Variants in RNF216 observed in about 807,000 individuals in gnomAD.
RNF216 encodes the protein ring finger protein 216.
In RNF216, 72 loss-of-function variants were observed where a neutral mutation model predicts 110.8. That is an observed-to-expected ratio of 0.65 (90% CI 0.54 to 0.79). RNF216 has a LOEUF of 0.79. Among genes scored for constraint, RNF216 ranks in the 30% least tolerant of loss-of-function variants. RNF216 has a pLI of 0.00. For synonymous variants in RNF216, 495 were observed against 407.5 expected, an observed-to-expected ratio of 1.21 and a Z score of -2.59; for missense variants, 1,342 against 1,141.2, an observed-to-expected ratio of 1.18 and a Z score of -2.54.
chr7:5,668,138 G>A (rs1789648305), intron 13 of RNF216, among the ~76,000 whole-genome samples: 1 of 152,098 alleles, frequency 6.6e-6, no homozygotes, highest in Admixed American at 6.5e-5. Flanking sequence ...TGTTTATATA[G>A]CAGGCATAGA....
chr7:5,753,138 G>A (rs1795423204), intron 2 of RNF216, among the ~76,000 whole-genome samples, 159 bp from the exon 3 acceptor site: 1 of 152,210 alleles, frequency 6.6e-6, no homozygotes, highest in South Asian at 2.1e-4. Flanking sequence ...TAAGAGCCAT[G>A]TTTCTATGCT....
At chr7:5,708,983 G>T (rs538966561) in intron 13 of RNF216, among the ~76,000 whole-genome samples, 1 of 152,268 alleles carries the variant, frequency 6.6e-6, no homozygotes, top group South Asian at 2.1e-4. Flanking sequence ...GTTCTCAGCA[G>T]CCCCCAGGGA....
intron 13 of RNF216, among the ~76,000 whole-genome samples, chr7:5,673,209 G>C (rs1186782656): frequency 2.0e-5 from 3 of 152,310 alleles, no homozygotes; most frequent in Middle Eastern, 3.4e-3. Flanking sequence ...GAAGTCAGTG[G>C]TTATTGAGAT....
At chr7:5,757,297 G>A (rs1795693253) in intron 2 of RNF216, among the ~76,000 whole-genome samples, 1 of 151,948 alleles carries the variant, frequency 6.6e-6, no homozygotes, top group South Asian at 2.1e-4. Flanking sequence ...AAGTATACAG[G>A]GATTAGCTTA....
At chr7:5,748,611 T>TACACACACAC (rs10588945) in intron 3 of RNF216, among the ~76,000 whole-genome samples, 5 of 143,052 alleles carry the variant, frequency 3.5e-5, no homozygotes, top group East Asian at 2.1e-4. Context: ...TTTATATACA[T>TACACACACAC]ACACACACAC....
chr7:5,674,421 T>C, intron 13 of RNF216, among the ~76,000 whole-genome samples: 1 of 150,952 alleles, frequency 6.6e-6, no homozygotes, highest in Non-Finnish European at 1.5e-5. Flanking sequence ...CCTCCCAAAG[T>C]GCTAGGATTA....
At chr7:5,636,973 GA>G (rs1426080179) in intron 15 of RNF216, among the ~76,000 whole-genome samples, 1 of 152,048 alleles carries the variant, frequency 6.6e-6, no homozygotes, top group Non-Finnish European at 1.5e-5. Context: ...GGAGAAGAAA[GA>G]AAAAAGTGCT....
At chr7:5,692,007 A>C (rs1584460877) in intron 13 of RNF216, among the ~76,000 whole-genome samples, 1 of 152,332 alleles carries the variant, frequency 6.6e-6, no homozygotes, top group African/African-American at 2.4e-5. Context: ...CTGCATACCT[A>C]CAAATCTCCA....
At chr7:5,764,965 G>C (rs571888188) in intron 1 of RNF216, among the ~76,000 whole-genome samples, 1 of 151,732 alleles carries the variant, frequency 6.6e-6, no homozygotes, top group Non-Finnish European at 1.5e-5. Context: ...AGCTACTCCT[G>C]AGGCTGAGGC....
chr7:5,745,646 T>C (rs755456229), intron 3 of RNF216, among the ~76,000 whole-genome samples: 1 of 152,004 alleles, frequency 6.6e-6, no homozygotes, highest in South Asian at 2.1e-4. Context: ...ACGCCTGTAA[T>C]CTCAGCACTT....
chr7:5,779,359 A>G (rs1270917493), intron 1 of RNF216, among the ~76,000 whole-genome samples: 1 of 151,982 alleles, frequency 6.6e-6, no homozygotes, highest in African/African-American at 2.4e-5. Context: ...GGGGGTCCAA[A>G]ATCTGGCCCA....
intron 1 of RNF216, among the ~76,000 whole-genome samples, chr7:5,764,483 A>C (rs950800785): frequency 2.0e-5 from 3 of 151,920 alleles, no homozygotes; most frequent in African/African-American, 4.8e-5. Flanking sequence ...CGCCGTCTCT[A>C]CTAAAAATAC....
Position 5,739,704 on chromosome 7 carries a change from T to C in RNF216, c.1045-352A>G, listed in dbSNP as rs1473420747. On this transcript the variant is annotated intron_variant, in intron 4 of 16. Coordinates refer to ENST00000389902, the MANE Select transcript of RNF216 (RefSeq NM_207111.4). ...AGCAGCACACAACCTAGTGCCTAGA[T>C]AAAAACACCTGGGTGGCCGGGTGCA... The C allele has an allele frequency of 3.1e-5, 14 of 453,186 alleles. No individual in the cohort carries two copies. The East Asian group carries it at 6.1e-4, about 20-fold the overall frequency. 28.1% of individuals were successfully genotyped at this position (453,186 alleles called of 1,614,324 possible).
intron 15 of RNF216, among the ~76,000 whole-genome samples, chr7:5,640,059 A>C (rs1787642082): frequency 1.4e-5 from 2 of 147,398 alleles, no homozygotes; most frequent in Admixed American, 6.8e-5. Context: ...GCGCCCGGCC[A>C]ATTTTTTTTT....
At chr7:5,628,457 GTT>G (rs555295636) in intron 15 of RNF216, among the ~76,000 whole-genome samples, 1 of 151,954 alleles carries the variant, frequency 6.6e-6, no homozygotes, top group African/African-American at 2.4e-5. Context: ...CAACTTAAAA[GTT>G]TTTTTTCTTT....
chr7:5,750,716 G>A (rs1297892722), intron 3 of RNF216, among the ~76,000 whole-genome samples: 1 of 152,192 alleles, frequency 6.6e-6, no homozygotes, highest in African/African-American at 2.4e-5. Flanking sequence ...CCACATTGGA[G>A]CAAGACTCCC....
chr7:5,648,908 G>A (rs1788214511), intron 14 of RNF216, among the ~76,000 whole-genome samples: 2 of 152,126 alleles, frequency 1.3e-5, no homozygotes. Context: ...AAGCTAATTT[G>A]AGATAATTAG....
At chr7:5,704,999 A>C (rs1792193993) in intron 13 of RNF216, among the ~76,000 whole-genome samples, 1 of 152,244 alleles carries the variant, frequency 6.6e-6, no homozygotes, top group Non-Finnish European at 1.5e-5. Context: ...AAAAGATGTG[A>C]ATAAATGAAA....
At chr7:5,630,989 C>T (rs535613697) in intron 15 of RNF216, among the ~76,000 whole-genome samples, 4 of 152,218 alleles carry the variant, frequency 2.6e-5, no homozygotes, top group African/African-American at 4.8e-5. Flanking sequence ...ACACTGCTGT[C>T]GGGCTGGGAG....
Sources: allele counts gnomAD v4.1 joint callset (sites outside exome capture counted in the v4.1 genomes callset), GRCh38; gene constraint gnomAD v4.1.1; transcripts MANE v1.5; gene names NCBI Gene and HGNC (gene_info 2026-07-23, HGNC 2026-07-21).